NCOA6: variants seen among roughly 807,000 people sequenced by gnomAD.
The protein encoded by NCOA6 is nuclear receptor coactivator 6.
In NCOA6, 49 loss-of-function variants were observed where a neutral mutation model predicts 171.4. That is an observed-to-expected ratio of 0.29 (90% CI 0.23 to 0.36). NCOA6 has a LOEUF of 0.36. Ranked by LOEUF, NCOA6 falls within the 10% of genes least tolerant of loss-of-function variation. NCOA6 has a pLI of 1.00. For synonymous variants in NCOA6, 910 were observed against 927.5 expected (o/e 0.98, Z 0.34); for missense variants, 2,248 against 2,554.5 (o/e 0.88, Z 2.59).
At chr20:34,738,748 T>C in intron 11 of NCOA6, 1 of 398,776 alleles carries the variant, frequency 2.5e-6, no homozygotes. Flanking sequence ...TTCTGGGAGG[T>C]AGAATGTACG....
At chr20:34,748,267 A>G (rs906154428) in intron 9 of NCOA6, among the ~76,000 whole-genome samples, 7 of 152,194 alleles carry the variant, frequency 4.6e-5, no homozygotes, top group Admixed American at 2.0e-4. Context: ...GCTATCAGAA[A>G]AATTAGATAA....
At chr20:34,822,055 C>T (rs971691843) in intron 1 of NCOA6, among the ~76,000 whole-genome samples, 2 of 152,082 alleles carry the variant, frequency 1.3e-5, no homozygotes, top group Non-Finnish European at 2.9e-5. Context: ...TCTAACTCTG[C>T]TCAGTGCCCA....
chr20:34,768,409 A>C, intron 5 of NCOA6, 55 bp downstream of exon 5: 1 of 1,604,782 alleles, frequency 6.2e-7, no homozygotes, highest in East Asian at 2.2e-5. Context: ...AAATGATCAA[A>C]TAAGCCAAAA....
At chr20:34,721,190 C>G (rs1989265680) in intron 14 of NCOA6, among the ~76,000 whole-genome samples, 1 of 131,440 alleles carries the variant, frequency 7.6e-6, no homozygotes, top group African/African-American at 2.9e-5. Flanking sequence ...TGAAGCCCCA[C>G]TAAAAACCCA....
intron 13 of NCOA6, among the ~76,000 whole-genome samples, chr20:34,728,433 A>AGG (rs1990228964): frequency 6.6e-6 from 1 of 152,202 alleles, no homozygotes; most frequent in Non-Finnish European, 1.5e-5. Context: ...TTTGCTTCTT[A>AGG]GGGGACATTT....
At chr20:34,753,762 C>T (rs550952006) in intron 8 of NCOA6, among the ~76,000 whole-genome samples, 32 of 152,104 alleles carry the variant, frequency 2.1e-4, no homozygotes, top group Non-Finnish European at 4.3e-4. Flanking sequence ...TTGCACTACC[C>T]TTCTGTTACC....
At chr20:34,759,672 T>A (rs2076758888) in intron 5 of NCOA6, among the ~76,000 whole-genome samples, 1 of 152,230 alleles carries the variant, frequency 6.6e-6, no homozygotes, top group Non-Finnish European at 1.5e-5. Context: ...AGGGTTCCAT[T>A]GTATAGAAGC....
chr20:34,741,743 T>C lies in NCOA6; in HGVS notation c.4513A>G (p.Ile1505Val), dbSNP rs200732169. 83 of 1,614,054 alleles carry C rather than the reference T, an allele frequency of 5.1e-5. No homozygotes were observed. The highest frequency in any genetic ancestry group is 1.6e-4 in the African/African-American group (12 of 74,914). ...LDNSGAPNVTIKPPGLTDLEV... is the reference protein window; with the variant it reads ...LDNSGAPNVTVKPPGLTDLEV... ...AGATCTGTAAGCCCAGGGGGTTTAA[T>C]TGTCACATTGGGAGCTCCAGAGTTG... Residue 1505 changes from isoleucine to valine, a missense_variant, in exon 11 of 15, where the codon ATT becomes GTT. Ile to Val is a conservative substitution (Grantham distance 29). Around this residue, in one of 7 missense-constraint regions of NCOA6, gnomAD observed 884 missense variants for 941.9 expected, o/e 0.94. Coordinates refer to ENST00000359003, the MANE Select transcript of NCOA6 (RefSeq NM_014071.5).
chr20:34,756,095 T>C (rs1480441236), intron 7 of NCOA6, among the ~76,000 whole-genome samples: 2 of 152,204 alleles, frequency 1.3e-5, no homozygotes, highest in South Asian at 2.1e-4. Flanking sequence ...TAGACAAATA[T>C]GCATTTGTCC....
At chr20:34,805,485 T>C (rs1226807422) in intron 1 of NCOA6, among the ~76,000 whole-genome samples, 1 of 152,166 alleles carries the variant, frequency 6.6e-6, no homozygotes, top group Non-Finnish European at 1.5e-5. Flanking sequence ...ATGACAAGAT[T>C]TCATTCTTTT....
intron 1 of NCOA6, among the ~76,000 whole-genome samples, chr20:34,798,953 T>C (rs868580403): frequency 2.0e-5 from 3 of 152,194 alleles, no homozygotes; most frequent in Non-Finnish European, 2.9e-5. Context: ...TCCACAAACA[T>C]CAAGGTAATC....
At chr20:34,719,260 T>C (rs549930846) in intron 14 of NCOA6, among the ~76,000 whole-genome samples, 3 of 152,306 alleles carry the variant, frequency 2.0e-5, no homozygotes, top group East Asian at 1.9e-4. Context: ...GCTTTAGAAA[T>C]GGACTTTGAC....
chr20:34,824,365 A>G (rs2079091718), intron 1 of NCOA6, among the ~76,000 whole-genome samples: 1 of 152,176 alleles, frequency 6.6e-6, no homozygotes, highest in Non-Finnish European at 1.5e-5. Flanking sequence ...TTACCTTTCT[A>G]TGTTTCAGCT....
intron 11 of NCOA6, among the ~76,000 whole-genome samples, chr20:34,738,193 G>A (rs1012919308): frequency 3.3e-5 from 5 of 152,122 alleles, no homozygotes; most frequent in Admixed American, 1.3e-4. Flanking sequence ...ATGAGCCACC[G>A]TGCCTGGCCA....
chr20:34,813,103 G>C (rs761619633), intron 1 of NCOA6, among the ~76,000 whole-genome samples: 1 of 150,558 alleles, frequency 6.6e-6, no homozygotes, highest in Non-Finnish European at 1.5e-5. Flanking sequence ...AGGTTGCAGT[G>C]AGTCGAGATC....
intron 13 of NCOA6, among the ~76,000 whole-genome samples, chr20:34,730,069 A>T (rs1450828076): frequency 4.1e-5 from 2 of 49,242 alleles, no homozygotes; most frequent in Non-Finnish European, 8.8e-5. Flanking sequence ...TTTAAAAAAA[A>T]TTTTTGTTTT....
chr20:34,741,462 A>G lies in NCOA6; in HGVS notation c.4794T>C (p.Thr1598=), dbSNP rs373830829. 5.0e-5 allele frequency: 80 copies of G among 1,614,024 alleles called. No homozygotes were observed. The Middle Eastern group carries it at 8.2e-4, about 17-fold the overall frequency. ...TGATGGGATTGGAAGTGACAAATAC[A>G]GTTATTTGATTTGGGGGCAAGGGAG... ...ISTPLPPNQI[T]VFVTSNPITT... The change falls in exon 11 of 15, where the codon ACT becomes ACC. Residue 1598 remains threonine (T), a synonymous_variant. Coordinates refer to ENST00000359003, the MANE Select transcript of NCOA6 (RefSeq NM_014071.5).
intron 3 of NCOA6, among the ~76,000 whole-genome samples, chr20:34,778,290 G>A (rs2077402696): frequency 6.6e-6 from 1 of 152,202 alleles, no homozygotes; most frequent in Non-Finnish European, 1.5e-5. Context: ...AAATAAGCCA[G>A]TCACAAAAAG....
chr20:34,738,521 C>A (rs1052900616), intron 11 of NCOA6, among the ~76,000 whole-genome samples: 3 of 152,220 alleles, frequency 2.0e-5, no homozygotes, highest in Non-Finnish European at 4.4e-5. Flanking sequence ...TCTACACCAA[C>A]AGAACTAGAA....
Sources: allele counts gnomAD v4.1 joint callset (sites outside exome capture counted in the v4.1 genomes callset), GRCh38; gene constraint gnomAD v4.1.1; regional missense constraint gnomAD v4.1.1; transcripts MANE v1.5; gene names NCBI Gene and HGNC (gene_info 2026-07-23, HGNC 2026-07-21).